KCNAB1: variants seen among roughly 807,000 people sequenced by gnomAD.
KCNAB1 encodes the protein voltage-gated potassium channel subunit beta-1.
KCNAB1 carries 35 observed loss-of-function variants against 64.6 expected under a neutral mutation model. The ratio of observed to expected loss-of-function variants is 0.54; its 90% confidence interval spans 0.41 to 0.72. The LOEUF (loss-of-function observed/expected upper bound fraction) is 0.72, where lower values mean the gene tolerates loss of function less well. Among genes scored for constraint, KCNAB1 ranks in the 30% least tolerant of loss-of-function variants. The probability of loss-of-function intolerance (pLI) is 0.00; values close to 1 mark genes in which losing one functional copy is unlikely to be tolerated. For synonymous variants in KCNAB1, 177 were observed against 183.8 expected (o/e 0.96, Z 0.30); for missense variants, 401 against 512.9 (o/e 0.78, Z 2.11).
At chr3:156,234,611 ACAAGG>A (rs1212826809) in intron 1 of KCNAB1, among the ~76,000 whole-genome samples, 1 of 152,112 alleles carries the variant, frequency 6.6e-6, no homozygotes, top group African/African-American at 2.4e-5. Flanking sequence ...AAGATGGAAG[ACAAGG>A]TGTGAAGAAT....
At chr3:156,354,049 G>GTGTGTGTC (rs1725041542) in intron 1 of KCNAB1, among the ~76,000 whole-genome samples, 5 of 75,580 alleles carry the variant, frequency 6.6e-5, no homozygotes, top group African/African-American at 4.8e-4. Flanking sequence ...GTATATATAT[G>GTGTGTGTC]TGTGTGTGTG....
At chr3:156,232,535 A>G (rs151173910) in intron 1 of KCNAB1, among the ~76,000 whole-genome samples, 27 of 152,388 alleles carry the variant, frequency 1.8e-4, no homozygotes, top group African/African-American at 6.0e-4. Context: ...GGCTTGGCCA[A>G]GAGGGCAAGG....
chr3:156,360,726 T>TAA (rs879725781), intron 1 of KCNAB1, among the ~76,000 whole-genome samples: 1 of 140,404 alleles, frequency 7.1e-6, no homozygotes, highest in Admixed American at 7.1e-5. Context: ...TCCCTCTATT[T>TAA]AAAAAAAAAA....
At chr3:156,374,349 A>AAAACT (rs1711518343) in intron 1 of KCNAB1, among the ~76,000 whole-genome samples, 1 of 152,226 alleles carries the variant, frequency 6.6e-6, no homozygotes, top group African/African-American at 2.4e-5. Flanking sequence ...AGAGGAGCGA[A>AAAACT]AAACTAACTT....
Position 156,196,511 on chromosome 3 carries a change from A to G in KCNAB1, c.275+75625A>G, listed in dbSNP as rs142030789. Among the ~76,000 whole-genome samples the G allele has an allele frequency of 7.6e-4, 115 of 152,210 alleles. 1 individual carries two copies. Among genetic ancestry groups the G allele is most frequent in the African/African-American group, 2.7e-3 (111 of 41,534 alleles). On this transcript the variant is annotated intron_variant, in intron 1 of 13. Transcript: ENST00000490337. ...GAGTAGTGGTTTATAGTTCTCCTTGAAGAGGCCCTTCATGTCTCTTGTAAG... is the reference window on the plus strand; with the variant it reads ...GAGTAGTGGTTTATAGTTCTCCTTGGAGAGGCCCTTCATGTCTCTTGTAAG...
intron 1 of KCNAB1, among the ~76,000 whole-genome samples, chr3:156,340,191 G>C (rs1724003180): frequency 6.6e-6 from 1 of 152,062 alleles, no homozygotes; most frequent in South Asian, 2.1e-4. Context: ...CTAGAGTGCA[G>C]TGGAAAAGCC....
intron 1 of KCNAB1, among the ~76,000 whole-genome samples, chr3:156,204,086 A>G (rs114859559): frequency 0.017 from 2,608 of 152,344 alleles, 48 homozygotes; most frequent in South Asian, 0.03. Flanking sequence ...AGAAACCAAG[A>G]TGTCAGTGGG....
intron 1 of KCNAB1, among the ~76,000 whole-genome samples, chr3:156,197,554 G>T (rs1432655936): frequency 6.6e-6 from 1 of 152,134 alleles, no homozygotes. Context: ...ATATATCCAA[G>T]AATTTATCAA....
At chr3:156,526,587 A>G (rs1314735822) in intron 12 of KCNAB1, among the ~76,000 whole-genome samples, 1 of 152,194 alleles carries the variant, frequency 6.6e-6, no homozygotes, top group Non-Finnish European at 1.5e-5. Context: ...GTGCTGCCAA[A>G]GGCTACACAC....
intron 1 of KCNAB1, among the ~76,000 whole-genome samples, chr3:156,338,202 G>C (rs1723843966): frequency 6.6e-6 from 1 of 150,502 alleles, no homozygotes; most frequent in African/African-American, 2.4e-5. Context: ...CAAAGGTTTT[G>C]CATATGGAGA....
intron 1 of KCNAB1, among the ~76,000 whole-genome samples, chr3:156,410,661 T>C (rs1576831254): frequency 6.6e-6 from 1 of 152,336 alleles, no homozygotes. Flanking sequence ...TCCTGGTAAC[T>C]ACACACCTGC....
chr3:156,243,555 C>G (rs759106195), intron 1 of KCNAB1, among the ~76,000 whole-genome samples: 1 of 152,186 alleles, frequency 6.6e-6, no homozygotes, highest in African/African-American at 2.4e-5. Context: ...GGGTGAGAAA[C>G]TAAAACTTTG....
intron 1 of KCNAB1, among the ~76,000 whole-genome samples, chr3:156,318,836 C>T (rs1235411392): frequency 6.6e-6 from 1 of 152,160 alleles, no homozygotes; most frequent in African/African-American, 2.4e-5. Context: ...TTGGCCATCT[C>T]ATGTCTAATT....
At chr3:156,518,521 A>T (rs1717713930) in intron 11 of KCNAB1, among the ~76,000 whole-genome samples, 1 of 148,240 alleles carries the variant, frequency 6.7e-6, no homozygotes, top group Non-Finnish European at 1.5e-5. Flanking sequence ...TAAAAGATAG[A>T]TATCTGGGCA....
chr3:156,182,273 T>G (rs1048129873), intron 1 of KCNAB1, among the ~76,000 whole-genome samples: 1 of 152,214 alleles, frequency 6.6e-6, no homozygotes, highest in East Asian at 1.9e-4. Flanking sequence ...GCTCCTATTT[T>G]GTATCTCATT....
chr3:156,400,478 T>G (rs563214340), intron 1 of KCNAB1, among the ~76,000 whole-genome samples: 11 of 152,368 alleles, frequency 7.2e-5, no homozygotes, highest in African/African-American at 2.4e-4. Context: ...GCTGTCAGTA[T>G]CTTTCTGAAA....
intron 8 of KCNAB1, among the ~76,000 whole-genome samples, chr3:156,482,732 A>G (rs1279237788): frequency 2.0e-5 from 3 of 152,080 alleles, no homozygotes; most frequent in Non-Finnish European, 2.9e-5. Context: ...TATCTGCTCT[A>G]TAGGGTTATT....
intron 1 of KCNAB1, among the ~76,000 whole-genome samples, chr3:156,280,849 T>C (rs892346610): frequency 8.0e-5 from 12 of 150,398 alleles, no homozygotes; most frequent in Non-Finnish European, 1.6e-4. Flanking sequence ...GCTTATCAGC[T>C]TAAGGAGATT....
intron 1 of KCNAB1, among the ~76,000 whole-genome samples, chr3:156,170,734 A>G (rs1356783615): frequency 6.6e-6 from 1 of 152,166 alleles, no homozygotes; most frequent in Non-Finnish European, 1.5e-5. Context: ...TCATGTCATT[A>G]CTTGGCATGC....
Sources: gnomAD v4.1 joint callset for allele counts (sites outside exome capture counted in the v4.1 genomes callset) on GRCh38, gnomAD v4.1.1 for gene constraint, MANE v1.5 for transcripts, NCBI Gene and HGNC (gene_info 2026-07-23, HGNC 2026-07-21) for gene names.